The following GRID1 variants were observed in gnomAD, a reference collection of about 807,000 sequenced individuals.
GRID1 encodes glutamate ionotropic receptor delta type subunit 1.
In GRID1, 28 loss-of-function variants were observed where a neutral mutation model predicts 98.0. The observed-to-expected ratio is 0.29, with a 90% CI of 0.21 to 0.39. GRID1 has a LOEUF of 0.39. Among genes scored for constraint, GRID1 ranks in the 10% least tolerant of loss-of-function variants. The pLI is 1.00. For missense variants in GRID1, 1,111 were observed against 1,340.5 expected, an observed-to-expected ratio of 0.83 and a Z score of 2.67; for synonymous variants, 553 against 538.5, an observed-to-expected ratio of 1.03 and a Z score of -0.37.
intron 8 of GRID1, among the ~76,000 whole-genome samples, chr10:85,814,227 C>A (rs1039538061): frequency 1.3e-5 from 2 of 151,634 alleles, no homozygotes; most frequent in Non-Finnish European, 3.0e-5. Flanking sequence ...AAATGCCAGG[C>A]AGATTGAAAA....
chr10:86,147,381 C>A (rs1045115684), intron 3 of GRID1, among the ~76,000 whole-genome samples: 16 of 152,074 alleles, frequency 1.1e-4, no homozygotes, highest in African/African-American at 3.9e-4. Flanking sequence ...CCAGAAGAAC[C>A]AAGACAATCC....
At chr10:85,648,070 C>T (rs1305798639) in intron 12 of GRID1, 1 of 152,184 alleles carries the variant, frequency 6.6e-6, no homozygotes, top group Non-Finnish European at 1.5e-5. Context: ...TTATATCTCT[C>T]CTGATTTTAA....
intron 5 of GRID1, among the ~76,000 whole-genome samples, chr10:85,898,458 T>G (rs1841328044): frequency 6.6e-6 from 1 of 152,230 alleles, no homozygotes; most frequent in East Asian, 1.9e-4. Context: ...TTATAACTTT[T>G]TTACTTTATA....
intron 5 of GRID1, among the ~76,000 whole-genome samples, chr10:85,913,804 T>C (rs930947303): frequency 2.0e-5 from 3 of 151,924 alleles, no homozygotes; most frequent in East Asian, 3.9e-4. Context: ...AAATAAAAAA[T>C]AAAGATAAAA....
chr10:85,814,317 T>C (rs1842697573), intron 8 of GRID1, among the ~76,000 whole-genome samples: 2 of 151,874 alleles, frequency 1.3e-5, no homozygotes, highest in Non-Finnish European at 2.9e-5. Context: ...ATGTGTAGAA[T>C]TAAATGCTAT....
In GRID1 at chr10:85,634,249, C is replaced by CCTCTCTCTCTCTCTCTCTCTCT. The variant is rs775506130; in HGVS notation, c.2193+12931_2193+12952dup. Reference sequence around the variant, plus strand: ...ATTCCTGCACAGCCCTGATGGGGCACCTCTCTCTCTCTCTCTCTCTCTCTC... The same window carrying CCTCTCTCTCTCTCTCTCTCTCT: ...ATTCCTGCACAGCCCTGATGGGGCACCTCTCTCTCTCTCTCTCTCTCTCTCTCTCTCTCTCTCTCTCTCTCTC... On this transcript the variant is annotated intron_variant, in intron 13 of 15. Coordinates refer to ENST00000327946, the MANE Select transcript of GRID1 (RefSeq NM_017551.3). Among the ~76,000 whole-genome samples, 631 of 92,236 alleles carry CCTCTCTCTCTCTCTCTCTCTCT rather than the reference C, an allele frequency of 6.8e-3. 17 individuals carry two copies. Among genetic ancestry groups the CCTCTCTCTCTCTCTCTCTCTCT allele is most frequent in the Non-Finnish European group, 9.6e-3 (463 of 48,254 alleles). 60.5% of individuals were successfully genotyped at this position (92,236 alleles called of 152,430 possible).
At chr10:85,817,382 C>T (rs188971803) in intron 8 of GRID1, among the ~76,000 whole-genome samples, 116 of 151,844 alleles carry the variant, frequency 7.6e-4, no homozygotes, top group African/African-American at 2.7e-3. Context: ...CAAAATTAGC[C>T]CAGCATGGTG....
At chr10:85,990,099 C>T (rs1842661910) in intron 4 of GRID1, among the ~76,000 whole-genome samples, 1 of 152,178 alleles carries the variant, frequency 6.6e-6, no homozygotes, top group Admixed American at 6.5e-5. Flanking sequence ...ATATGAGCCA[C>T]CAAGTCTATG....
chr10:86,100,624 G>T (rs1393884294), intron 4 of GRID1, among the ~76,000 whole-genome samples: 1 of 152,196 alleles, frequency 6.6e-6, no homozygotes, highest in Non-Finnish European at 1.5e-5. Context: ...CATTGGGAAG[G>T]TGATGGGGAC....
chr10:85,770,008 G>A (rs914193856), intron 8 of GRID1, among the ~76,000 whole-genome samples: 16 of 152,198 alleles, frequency 1.1e-4, no homozygotes, highest in Middle Eastern at 3.2e-3. Context: ...ATCTGAGAAC[G>A]GGCAGACTGC....
intron 2 of GRID1, among the ~76,000 whole-genome samples, chr10:86,332,670 G>A (rs907313725): frequency 5.9e-5 from 9 of 151,958 alleles, no homozygotes; most frequent in Non-Finnish European, 1.0e-4. Flanking sequence ...AGTGACTCCC[G>A]AAGTGATGCC....
chr10:85,905,613 G>T (rs113348915), intron 5 of GRID1, among the ~76,000 whole-genome samples: 1 of 151,940 alleles, frequency 6.6e-6, no homozygotes, highest in African/African-American at 2.4e-5. Context: ...ACATTGAGTC[G>T]GGAGGGTAAC....
intron 8 of GRID1, among the ~76,000 whole-genome samples, chr10:85,848,474 G>A (rs1220991246): frequency 6.6e-6 from 1 of 152,046 alleles, no homozygotes; most frequent in Non-Finnish European, 1.5e-5. Flanking sequence ...TAGTTGTAAA[G>A]CATAGTTAAA....
chr10:86,240,816 G>A (rs1196747168), intron 2 of GRID1, among the ~76,000 whole-genome samples: 1 of 152,196 alleles, frequency 6.6e-6, no homozygotes, highest in African/African-American at 2.4e-5. Flanking sequence ...CTCACTGGTG[G>A]TCACCTCAGG....
chr10:85,776,004 A>T (rs1278026475), intron 8 of GRID1, among the ~76,000 whole-genome samples: 2 of 152,100 alleles, frequency 1.3e-5, no homozygotes, highest in Non-Finnish European at 2.9e-5. Context: ...AATATATGTA[A>T]CTGAGATCAG....
intron 4 of GRID1, among the ~76,000 whole-genome samples, chr10:86,087,106 G>A (rs909159041): frequency 6.6e-5 from 10 of 152,208 alleles, no homozygotes; most frequent in African/African-American, 2.2e-4. Flanking sequence ...CATGGGGCAT[G>A]GAACCAATAC....
intron 4 of GRID1, among the ~76,000 whole-genome samples, chr10:86,029,055 C>T (rs778047170): frequency 6.6e-6 from 1 of 152,114 alleles, no homozygotes; most frequent in African/African-American, 2.4e-5. Flanking sequence ...CTGGTGAGTC[C>T]CCAGGTGTAC....
At chr10:86,293,711 G>A (rs1036685733) in intron 2 of GRID1, among the ~76,000 whole-genome samples, 7 of 152,102 alleles carry the variant, frequency 4.6e-5, no homozygotes, top group Non-Finnish European at 8.8e-5. Context: ...AGACTCAAAC[G>A]ATAGGGAGGG....
chr10:85,941,060 T>C (rs1381231727), intron 4 of GRID1, among the ~76,000 whole-genome samples: 1 of 152,220 alleles, frequency 6.6e-6, no homozygotes, highest in Non-Finnish European at 1.5e-5. Flanking sequence ...TATCAGGTGC[T>C]TTTCATCAAT....
Sources: gnomAD v4.1 joint callset for allele counts (sites outside exome capture counted in the v4.1 genomes callset) on GRCh38, gnomAD v4.1.1 for gene constraint, MANE v1.5 for transcripts, NCBI Gene and HGNC (gene_info 2026-07-23, HGNC 2026-07-21) for gene names.